CNBD1: variants seen among roughly 807,000 people sequenced by gnomAD.
CNBD1 encodes the protein cyclic nucleotide-binding domain-containing protein 1.
CNBD1 carries 71 observed loss-of-function variants against 54.4 expected under a neutral mutation model. The observed-to-expected ratio is 1.30, with a 90% CI of 1.08 to 1.59. The LOEUF (loss-of-function observed/expected upper bound fraction) is 1.59. Ranked by LOEUF, CNBD1 falls within the 40% of genes most tolerant of loss-of-function variation. CNBD1 has a pLI of 0.00. For synonymous variants in CNBD1, 182 were observed against 170.7 expected (o/e 1.07, Z -0.51); for missense variants, 659 against 518.0 (o/e 1.27, Z -2.64).
chr8:87,373,841 T>G (rs1307047634), intron 10 of CNBD1, among the ~76,000 whole-genome samples: 1 of 151,828 alleles, frequency 6.6e-6, no homozygotes, highest in African/African-American at 2.4e-5. Flanking sequence ...TTCAATATTT[T>G]TAGATAGAAC....
At chr8:87,155,704 G>T (rs1350701859) in intron 4 of CNBD1, among the ~76,000 whole-genome samples, 1 of 152,186 alleles carries the variant, frequency 6.6e-6, no homozygotes, top group African/African-American at 2.4e-5. Context: ...CTAGGTGTTT[G>T]TTGTATATAC....
At chr8:87,132,762 AAT>A (rs201293555) in intron 4 of CNBD1, among the ~76,000 whole-genome samples, 4 of 147,332 alleles carry the variant, frequency 2.7e-5, no homozygotes, top group African/African-American at 7.4e-5. Context: ...TATATATGGA[AAT>A]ATATATATCA....
chr8:87,217,048 C>T (rs1215174567), intron 5 of CNBD1, among the ~76,000 whole-genome samples: 3 of 152,052 alleles, frequency 2.0e-5, no homozygotes, highest in African/African-American at 7.2e-5. Flanking sequence ...CTTTTTATGG[C>T]ACTGGCCTGA....
intron 4 of CNBD1, among the ~76,000 whole-genome samples, chr8:87,176,483 A>T (rs1372884270): frequency 1.5e-5 from 2 of 134,414 alleles, no homozygotes; most frequent in East Asian, 2.2e-4. Context: ...TTAAGTTAGT[A>T]TTTTTTTTTT....
intron 4 of CNBD1, among the ~76,000 whole-genome samples, chr8:87,177,813 A>G (rs1813230488): frequency 6.6e-6 from 1 of 152,218 alleles, no homozygotes; most frequent in African/African-American, 2.4e-5. Context: ...AATGTAGAAG[A>G]ATTGCATGAA....
rs1331286381 is a variant in CNBD1, at chr8:87,395,141, T to C, written c.214-33405T>C. On this transcript the variant is annotated intron_variant, in intron 2 of 7. Transcript: ENST00000521593. Reference sequence around the variant, plus strand: ...TGACTATAGAGTCCTTTTAACATGATAATAAGTAATATTAGGTGAGCATCA... The same window carrying C: ...TGACTATAGAGTCCTTTTAACATGACAATAAGTAATATTAGGTGAGCATCA... 4.6e-5 allele frequency among the ~76,000 whole-genome samples: 7 copies of C among 151,922 alleles called. No homozygotes were observed. The East Asian group carries it at 1.4e-3, about 29-fold the overall frequency.
At chr8:87,310,563 C>T (rs767080603) in intron 8 of CNBD1, among the ~76,000 whole-genome samples, 13 of 152,042 alleles carry the variant, frequency 8.6e-5, no homozygotes, top group Non-Finnish European at 1.8e-4. Context: ...TTGCCCAAAA[C>T]AATCTACAGT....
chr8:87,301,101 G>T (rs898817126), intron 8 of CNBD1, among the ~76,000 whole-genome samples: 2 of 152,090 alleles, frequency 1.3e-5, no homozygotes, highest in Non-Finnish European at 2.9e-5. Context: ...AGACCTAGAA[G>T]AGATGGATAA....
chr8:86,932,698 G>GA (rs199827508), intron 3 of CNBD1, among the ~76,000 whole-genome samples: 11,517 of 151,708 alleles, frequency 0.076, 543 homozygotes, highest in African/African-American at 0.14. Flanking sequence ...CCATAGTGCA[G>GA]AAAAAAAATA....
chr8:87,008,100 T>G (rs1053609942), intron 4 of CNBD1, among the ~76,000 whole-genome samples: 1 of 152,222 alleles, frequency 6.6e-6, no homozygotes, highest in Non-Finnish European at 1.5e-5. Flanking sequence ...ACTACTTCTA[T>G]GAAATTGAGA....
At chr8:87,268,787 G>A (rs1687880263) in intron 6 of CNBD1, among the ~76,000 whole-genome samples, 1 of 151,750 alleles carries the variant, frequency 6.6e-6, no homozygotes, top group South Asian at 2.1e-4. Context: ...TTTGCATGTT[G>A]AATTATTTAA....
intron 4 of CNBD1, among the ~76,000 whole-genome samples, chr8:87,106,509 A>C (rs1811540562): frequency 1.3e-5 from 2 of 152,158 alleles, no homozygotes; most frequent in African/African-American, 4.8e-5. Flanking sequence ...CTGCACTCAG[A>C]CAATATTCGA....
chr8:87,085,755 GTTGC>G (rs1416659685), intron 4 of CNBD1, among the ~76,000 whole-genome samples: 1 of 152,062 alleles, frequency 6.6e-6, no homozygotes, highest in African/African-American at 2.4e-5. Flanking sequence ...CTTGCTTCCT[GTTGC>G]TTGCTAGCCT....
chr8:87,224,568 T>C (rs1345730505), intron 5 of CNBD1, among the ~76,000 whole-genome samples: 9 of 151,410 alleles, frequency 5.9e-5, no homozygotes, highest in African/African-American at 1.7e-4. Flanking sequence ...TGCGGTGTTA[T>C]TTCTGAGGGC....
intron 2 of CNBD1, among the ~76,000 whole-genome samples, chr8:87,413,227 G>A (rs1308993376): frequency 1.3e-5 from 2 of 152,054 alleles, no homozygotes; most frequent in Admixed American, 6.6e-5. Context: ...AAGGAAGGCA[G>A]TATTGTGTGA....
At chr8:86,965,019 C>T (rs1024038971) in intron 4 of CNBD1, among the ~76,000 whole-genome samples, 4 of 152,264 alleles carry the variant, frequency 2.6e-5, no homozygotes, top group East Asian at 1.9e-4. Flanking sequence ...AAGTTGTCAA[C>T]CAAGTAAATT....
chr8:87,134,903 C>T (rs1452880096), intron 4 of CNBD1, among the ~76,000 whole-genome samples: 2 of 152,092 alleles, frequency 1.3e-5, no homozygotes, highest in African/African-American at 4.8e-5. Context: ...GCCACCACGC[C>T]CAGCCAGATT....
At chr8:87,401,945 A>G (rs1253237314) in intron 2 of CNBD1, among the ~76,000 whole-genome samples, 1 of 151,956 alleles carries the variant, frequency 6.6e-6, no homozygotes, top group Non-Finnish European at 1.5e-5. Context: ...TTCTGACTAA[A>G]TAATTTCAAG....
At chr8:87,380,822 A>T (rs1457196734) in intron 10 of CNBD1, among the ~76,000 whole-genome samples, 1 of 152,062 alleles carries the variant, frequency 6.6e-6, no homozygotes, top group Non-Finnish European at 1.5e-5. Context: ...CAAAAATAGC[A>T]TTGGAAAATT....
Sources: allele counts gnomAD v4.1 joint callset (sites outside exome capture counted in the v4.1 genomes callset), GRCh38; gene constraint gnomAD v4.1.1; transcripts MANE v1.5; gene names NCBI Gene and HGNC (gene_info 2026-07-23, HGNC 2026-07-21).